The following RAPGEF5 variants were observed in gnomAD, a reference collection of about 807,000 sequenced individuals.
The protein encoded by RAPGEF5 is M-Ras-regulated GEF.
RAPGEF5 carries 65 observed loss-of-function variants against 125.2 expected under a neutral mutation model. The ratio of observed to expected loss-of-function variants is 0.52; its 90% confidence interval spans 0.43 to 0.64. The LOEUF is 0.64. Among genes scored for constraint, RAPGEF5 ranks in the 30% least tolerant of loss-of-function variants. The pLI, the probability that RAPGEF5 is intolerant of heterozygous loss-of-function variation, is 0.00. For synonymous variants in RAPGEF5, 391 were observed against 385.9 expected (o/e 1.01, Z -0.16); for missense variants, 958 against 1,048.1 (o/e 0.91, Z 1.19).
rs543686532 is a variant in RAPGEF5 at position 22,122,563 on chromosome 7, G to A, written c.2537-42C>T. On this transcript the variant is annotated intron_variant, in intron 25 of 25. Transcript: ENST00000665637. ...GAAAAAAGACAATCTCAGGAGAGCA[G>A]TAATGCTGTATCTACATACCAACAA... The A allele has an allele frequency of 9.5e-5, 136 of 1,428,896 alleles. No individual in the cohort carries two copies. The South Asian group carries it at 1.5e-3, about 16-fold the overall frequency. 88.5% of individuals were successfully genotyped at this position (1,428,896 alleles called of 1,614,324 possible). A position where few individuals can be genotyped will look rare whatever the true frequency, so the allele number is the denominator to read the frequency against.
rs1320057331 is a variant in RAPGEF5, at chr7:22,356,914, C to A, written c.147G>T (p.Ser49=). 9.1e-7 allele frequency: 1 copy of A among 1,097,740 alleles called. No homozygotes were observed. The highest frequency in any genetic ancestry group is 1.1e-6 in the Non-Finnish European group (1 of 903,844). The allele number at this position is 1,097,740 out of a possible 1,614,324, so 68.0% of individuals were successfully genotyped here. A position where few individuals can be genotyped will look rare whatever the true frequency, so the allele number is the denominator to read the frequency against. ...GCAGGTCCCTCAGCCGCGGCCGCAG[C>A]GACGCCGGCGGCTGCTCGCGCTCGG... is the stretch of plus-strand genomic sequence containing the variant. The part of the protein sequence containing the change: ...REPEREQPPA[S]LRPRLRDLPA... Residue 49 remains serine (S), a synonymous_variant, in exon 1 of 26, where the codon TCG becomes TCT. Transcript: ENST00000665637.
chr7:22,201,595 C>A (rs536373168), intron 9 of RAPGEF5, among the ~76,000 whole-genome samples: 1 of 152,284 alleles, frequency 6.6e-6, no homozygotes, highest in South Asian at 2.1e-4. Context: ...TCCTACTTGA[C>A]CGAATCCAAT....
intron 6 of RAPGEF5, among the ~76,000 whole-genome samples, chr7:22,268,557 A>T (rs1249327036): frequency 6.6e-6 from 1 of 152,182 alleles, no homozygotes; most frequent in African/African-American, 2.4e-5. Flanking sequence ...CAGTGTCACA[A>T]ATATTTGGAG....
intron 7 of RAPGEF5, among the ~76,000 whole-genome samples, chr7:22,252,953 T>TA (rs764830997): frequency 1.1e-4 from 16 of 148,916 alleles, no homozygotes; most frequent in African/African-American, 2.0e-4. Flanking sequence ...TTATCTCACT[T>TA]AAAAAAAAAA....
intron 5 of RAPGEF5, among the ~76,000 whole-genome samples, chr7:22,304,093 T>G (rs952829589): frequency 5.3e-5 from 8 of 152,036 alleles, no homozygotes; most frequent in Admixed American, 5.2e-4. Context: ...ATTCCAAGTC[T>G]AGATAAGCCA....
chr7:22,348,814 C>T (rs578119478), intron 1 of RAPGEF5, among the ~76,000 whole-genome samples: 4 of 152,280 alleles, frequency 2.6e-5, no homozygotes, highest in South Asian at 2.1e-4. Context: ...GGATTGGGTA[C>T]GGTGGCTCAC....
intron 7 of RAPGEF5, among the ~76,000 whole-genome samples, chr7:22,239,254 C>T (rs1414801287): frequency 1.3e-5 from 2 of 152,178 alleles, no homozygotes; most frequent in Admixed American, 1.3e-4. Context: ...TTTAAGTGTT[C>T]CTACCCATTG....
intron 9 of RAPGEF5, among the ~76,000 whole-genome samples, chr7:22,205,527 T>C (rs1195478434): frequency 6.6e-6 from 1 of 152,136 alleles, no homozygotes; most frequent in African/African-American, 2.4e-5. Flanking sequence ...TCAAATAAAA[T>C]ATAGGCATGC....
chr7:22,283,962 A>G (rs1319241781), intron 6 of RAPGEF5, among the ~76,000 whole-genome samples: 1 of 152,090 alleles, frequency 6.6e-6, no homozygotes, highest in Non-Finnish European at 1.5e-5. Flanking sequence ...ACCAAAACCA[A>G]ACTCTCAGGG....
intron 6 of RAPGEF5, 28 bp from the exon 7 acceptor site, chr7:22,267,040 A>C (rs771429249): frequency 5.1e-6 from 8 of 1,574,074 alleles, no homozygotes; most frequent in Middle Eastern, 1.7e-4. Context: ...GGGAAAATCA[A>C]ATTAGAAGAA....
Position 22,140,045 on chromosome 7 carries a change from G to A in RAPGEF5, c.2257C>T (p.Arg753Ter). The A allele has an allele frequency of 1.3e-6, 2 of 1,568,426 alleles. No individual in the cohort carries two copies. The highest frequency in any genetic ancestry group is 2.4e-5 in the East Asian group (1 of 42,260). ...VMGLNTASVS[R>*]LSQTWEKIPG... is the part of the protein sequence containing the mutation. ...CTCACCTCCCAGGTCTGCGACAGTC[G>A]ACTGACAGAAGCAGTGTTGAGACCC... The change falls in exon 21 of 26, where the codon CGA becomes TGA. Residue 753 changes from arginine to a stop codon, truncating the protein, a stop_gained. Transcript: ENST00000665637. LOFTEE classifies it high-confidence loss of function.
At chr7:22,217,545 T>C (rs927143885) in intron 9 of RAPGEF5, among the ~76,000 whole-genome samples, 2 of 152,174 alleles carry the variant, frequency 1.3e-5, no homozygotes, top group African/African-American at 4.8e-5. Context: ...TACCAAATAA[T>C]TCATTTAGTG....
At chr7:22,228,943 G>A (rs16873183) in intron 8 of RAPGEF5, among the ~76,000 whole-genome samples, 9,878 of 152,158 alleles carry the variant, frequency 0.065, 567 homozygotes, top group East Asian at 0.35. Context: ...ATTGCCAGGA[G>A]TGTTTTATGT....
intron 9 of RAPGEF5, among the ~76,000 whole-genome samples, chr7:22,195,510 T>C (rs1785127259): frequency 6.6e-6 from 1 of 152,212 alleles, no homozygotes; most frequent in Non-Finnish European, 1.5e-5. Flanking sequence ...AACCGATGTA[T>C]TACATTTCAG....
At position 22,295,169 on chromosome 7, in the gene RAPGEF5, G is replaced by A. The variant is rs573056906; in HGVS notation, c.681-3928C>T. On this transcript the variant is annotated intron_variant, in intron 5 of 25. Transcript: ENST00000665637. ...CCTATGAAAAAAGAAGTGGGATGGT[G>A]GAAGAATGAGAATTAGATTTTTCTT... 3.9e-5 allele frequency among the ~76,000 whole-genome samples: 6 copies of A among 152,240 alleles called. No individual in the cohort carries two copies. In the South Asian group the frequency reaches 1.0e-3, roughly 26 times the overall value.
intron 12 of RAPGEF5, among the ~76,000 whole-genome samples, 178 bp downstream of exon 12, chr7:22,166,892 T>C (rs1333761064): frequency 1.3e-5 from 2 of 152,212 alleles, no homozygotes; most frequent in Non-Finnish European, 2.9e-5. Context: ...CTGTTCACAT[T>C]TCCAGTTTCC....
intron 1 of RAPGEF5, among the ~76,000 whole-genome samples, chr7:22,331,624 A>G (rs548068778): frequency 5.3e-5 from 8 of 152,082 alleles, no homozygotes; most frequent in African/African-American, 1.9e-4. Context: ...GGGCGCCCGT[A>G]GTCCCAGCTA....
At position 22,133,197 on chromosome 7, in the gene RAPGEF5, T is replaced by C. The variant is rs560021943; in HGVS notation, c.2417-2096A>G. 3.3e-5 allele frequency among the ~76,000 whole-genome samples: 5 copies of C among 152,218 alleles called. No homozygotes were observed. The East Asian group carries it at 9.7e-4, about 29-fold the overall frequency. The stretch of plus-strand genomic sequence containing the variant: ...GGCTCTATTGAGGGGCCAGGGCCTG[T>C]CAGGCTGGTACTGTCTAAGCATAAG... On this transcript the variant is annotated intron_variant, in intron 23 of 25. Transcript: ENST00000665637.
intron 6 of RAPGEF5, among the ~76,000 whole-genome samples, chr7:22,284,327 A>G (rs1293416101): frequency 6.6e-6 from 1 of 152,210 alleles, no homozygotes; most frequent in Non-Finnish European, 1.5e-5. Flanking sequence ...CTGACAGTCC[A>G]TAGCCCAAGG....
Sources: allele counts gnomAD v4.1 joint callset (sites outside exome capture counted in the v4.1 genomes callset), GRCh38; gene constraint gnomAD v4.1.1; transcripts MANE v1.5; gene names NCBI Gene and HGNC (gene_info 2026-07-23, HGNC 2026-07-21).